SPAG16: variants seen among roughly 807,000 people sequenced by gnomAD.
SPAG16 encodes sperm-associated antigen 16 protein.
In SPAG16, 86 loss-of-function variants were observed where a neutral mutation model predicts 80.4. That is an observed-to-expected ratio of 1.07 (90% CI 0.90 to 1.28). The LOEUF (loss-of-function observed/expected upper bound fraction) is 1.28, where lower values mean the gene tolerates loss of function less well. Among genes scored for constraint, SPAG16 ranks in the 50% most tolerant of loss-of-function variants. The pLI, the probability that SPAG16 is intolerant of heterozygous loss-of-function variation, is 0.00. For synonymous variants in SPAG16, 294 were observed against 265.9 expected, an observed-to-expected ratio of 1.11 and a Z score of -1.03; for missense variants, 870 against 765.3, an observed-to-expected ratio of 1.14 and a Z score of -1.61.
At chr2:213,592,453 A>G (rs2124928381) in intron 10 of SPAG16, among the ~76,000 whole-genome samples, 1 of 152,360 alleles carries the variant, frequency 6.6e-6, no homozygotes, top group African/African-American at 2.4e-5. Context: ...TAAAAGCTTT[A>G]TAGTTAGTAA....
chr2:213,393,456 C>A (rs1421921157), intron 9 of SPAG16, among the ~76,000 whole-genome samples: 1 of 151,458 alleles, frequency 6.6e-6, no homozygotes, highest in African/African-American at 2.4e-5. Flanking sequence ...TTTTTTGATT[C>A]GATTTTTGTT....
At chr2:213,878,099 CT>C (rs1338712311) in intron 11 of SPAG16, among the ~76,000 whole-genome samples, 1 of 152,110 alleles carries the variant, frequency 6.6e-6, no homozygotes, top group Non-Finnish European at 1.5e-5. Context: ...TTTATTTTGA[CT>C]TTCTACTTGT....
Position 214,200,283 on chromosome 2 carries a change from G to T in SPAG16, c.1720+51017G>T, listed in dbSNP as rs145079039. Reference sequence around the variant, plus strand: ...CTGTTCTATGCCAATGTCGTTGAGGGTTTTGATCATAAAGGGATGCTAGAT... The same window carrying T: ...CTGTTCTATGCCAATGTCGTTGAGGTTTTTGATCATAAAGGGATGCTAGAT... On this transcript the variant is annotated intron_variant, in intron 15 of 15. Transcript: ENST00000331683. Among the ~76,000 whole-genome samples, 291 of 152,132 alleles carry T rather than the reference G, an allele frequency of 1.9e-3. 1 individual carries two copies. Among genetic ancestry groups the T allele is most frequent in the African/African-American group, 5.6e-3 (234 of 41,524 alleles).
In SPAG16 at chr2:213,709,650, T is replaced by C. The variant is rs145586586; in HGVS notation, c.1071-152835T>C. 8.1e-4 allele frequency among the ~76,000 whole-genome samples: 124 copies of C among 152,184 alleles called. 1 individual carries two copies. The highest frequency in any genetic ancestry group is 2.6e-3 in the African/African-American group (110 of 41,510). On this transcript the variant is annotated intron_variant, in intron 10 of 15. Coordinates refer to ENST00000331683, the MANE Select transcript of SPAG16 (RefSeq NM_024532.5). Reference sequence around the variant, plus strand: ...TGGACCTTACTCTGTTTTTTTCAAGTATACAGGTAGAATTTTACTAACCAA... The same window carrying C: ...TGGACCTTACTCTGTTTTTTTCAAGCATACAGGTAGAATTTTACTAACCAA...
intron 10 of SPAG16, among the ~76,000 whole-genome samples, chr2:213,527,687 C>T (rs2075935260): frequency 6.6e-6 from 1 of 152,056 alleles, no homozygotes; most frequent in Admixed American, 6.6e-5. Context: ...ACTAAAAACT[C>T]AACACACAGA....
At chr2:214,064,013 G>T (rs1293888279) in intron 13 of SPAG16, among the ~76,000 whole-genome samples, 1 of 152,110 alleles carries the variant, frequency 6.6e-6, no homozygotes, top group African/African-American at 2.4e-5. Flanking sequence ...CGGATATTAT[G>T]CTCTCATTCC....
intron 11 of SPAG16, among the ~76,000 whole-genome samples, chr2:213,866,942 A>G (rs916375180): frequency 7.9e-5 from 12 of 152,356 alleles, no homozygotes; most frequent in African/African-American, 2.9e-4. Flanking sequence ...TTATACAAAT[A>G]TAATGCAGAC....
intron 10 of SPAG16, among the ~76,000 whole-genome samples, chr2:213,702,332 ATGC>A (rs1326671874): frequency 6.6e-6 from 1 of 152,234 alleles, no homozygotes; most frequent in Non-Finnish European, 1.5e-5. Flanking sequence ...GTCTCTTTTC[ATGC>A]TGTGGAAGGT....
At chr2:214,385,968 A>C (rs753330184) in intron 15 of SPAG16, among the ~76,000 whole-genome samples, 28 of 152,210 alleles carry the variant, frequency 1.8e-4, no homozygotes, top group Non-Finnish European at 3.7e-4. Context: ...GCTGGTTTCC[A>C]TTTGCTTTCA....
At chr2:213,288,013 T>A (rs1271751643) in intron 1 of SPAG16, among the ~76,000 whole-genome samples, 1 of 152,318 alleles carries the variant, frequency 6.6e-6, no homozygotes, top group South Asian at 2.1e-4. Context: ...TCGAGCAATC[T>A]TCCCACCTCA....
In SPAG16 at chr2:213,988,599, T is replaced by C. The variant is rs144274605; in HGVS notation, c.1401-25352T>C. 3.3e-5 allele frequency among the ~76,000 whole-genome samples: 5 copies of C among 151,972 alleles called. No individual in the cohort carries two copies. The East Asian group carries it at 9.7e-4, about 29-fold the overall frequency. On this transcript the variant is annotated intron_variant, in intron 12 of 15. Transcript: ENST00000331683. ...ATAGTGTTCAGCAAGGTTACAGAATTCAAAGTCAACACACAGAAATCAGTC... is the reference window on the plus strand; with the variant it reads ...ATAGTGTTCAGCAAGGTTACAGAATCCAAAGTCAACACACAGAAATCAGTC...
chr2:214,309,676 C>A (rs1254984568), intron 15 of SPAG16, among the ~76,000 whole-genome samples: 1 of 152,152 alleles, frequency 6.6e-6, no homozygotes, highest in African/African-American at 2.4e-5. Flanking sequence ...ACACTCAGCT[C>A]TCAACCTTTG....
intron 9 of SPAG16, among the ~76,000 whole-genome samples, chr2:213,384,890 G>T (rs140609458): frequency 6.6e-6 from 1 of 152,208 alleles, no homozygotes; most frequent in Admixed American, 6.5e-5. Flanking sequence ...TATGGTTCAG[G>T]ATATCCTGAT....
At chr2:213,610,075 G>T (rs2061394947) in intron 10 of SPAG16, among the ~76,000 whole-genome samples, 1 of 151,434 alleles carries the variant, frequency 6.6e-6, no homozygotes, top group Admixed American at 6.6e-5. Flanking sequence ...AAATACCCCT[G>T]CCATTTTATT....
intron 13 of SPAG16, among the ~76,000 whole-genome samples, chr2:214,095,047 A>C (rs1287365284): frequency 6.6e-6 from 1 of 152,074 alleles, no homozygotes; most frequent in Non-Finnish European, 1.5e-5. Context: ...CAGAATCATC[A>C]GGGTTGGAGT....
intron 9 of SPAG16, among the ~76,000 whole-genome samples, chr2:213,425,914 G>T (rs182578573): frequency 6.6e-6 from 1 of 152,268 alleles, no homozygotes. Flanking sequence ...GCTTGGGCCA[G>T]GAAACATACA....
chr2:213,776,806 T>C (rs1266510014), intron 10 of SPAG16, among the ~76,000 whole-genome samples: 3 of 149,992 alleles, frequency 2.0e-5, no homozygotes, highest in Non-Finnish European at 3.0e-5. Context: ...TCTCATAATA[T>C]CTTACCAGCG....
intron 12 of SPAG16, among the ~76,000 whole-genome samples, chr2:213,995,706 G>A (rs1197278933): frequency 2.0e-5 from 3 of 152,146 alleles, no homozygotes; most frequent in African/African-American, 7.2e-5. Flanking sequence ...TCTGCCCACT[G>A]CTGAAATAAA....
intron 10 of SPAG16, among the ~76,000 whole-genome samples, chr2:213,521,187 T>A (rs566320530): frequency 6.6e-6 from 1 of 152,278 alleles, no homozygotes. Flanking sequence ...GCCTGGTTGG[T>A]GGATGTTTTC....
Sources: allele counts gnomAD v4.1 joint callset (sites outside exome capture counted in the v4.1 genomes callset), GRCh38; gene constraint gnomAD v4.1.1; transcripts MANE v1.5; gene names NCBI Gene and HGNC (gene_info 2026-07-23, HGNC 2026-07-21).